Variants in RORA observed in about 807,000 individuals in gnomAD.
RORA encodes RAR related orphan receptor A.
RORA carries 7 observed loss-of-function variants against 69.5 expected under a neutral mutation model. That is an observed-to-expected ratio of 0.10 (90% CI 0.06 to 0.19). The LOEUF (loss-of-function observed/expected upper bound fraction) is 0.19. RORA is among the 10% of genes least tolerant of loss of function. RORA has a pLI of 1.00. For synonymous variants in RORA, 261 were observed against 240.8 expected, an observed-to-expected ratio of 1.08 and a Z score of -0.78; for missense variants, 457 against 663.0, an observed-to-expected ratio of 0.69 and a Z score of 3.41.
chr15:60,585,009 A>C lies in RORA; in HGVS notation c.197-53158T>G, dbSNP rs893270773. Among the ~76,000 whole-genome samples the C allele has an allele frequency of 2.0e-5, 3 of 152,172 alleles. No homozygotes were observed. In the East Asian group the frequency reaches 5.8e-4, roughly 29 times the overall value. On this transcript the variant is annotated intron_variant, in intron 2 of 10. Coordinates refer to ENST00000335670, the MANE Select transcript of RORA (RefSeq NM_134261.3). ...GCAATTTCATCTTTCTAATAGGAAC[A>C]CGTAAGCACTATTATCCTTTACAAG...
chr15:61,193,835 G>A (rs1486779937), intron 1 of RORA, among the ~76,000 whole-genome samples: 1 of 152,160 alleles, frequency 6.6e-6, no homozygotes, highest in Non-Finnish European at 1.5e-5. Context: ...CCAGCTTAAT[G>A]CATTTCCACC....
chr15:60,730,994 C>T (rs1264203083), intron 1 of RORA, among the ~76,000 whole-genome samples: 1 of 152,022 alleles, frequency 6.6e-6, no homozygotes, highest in Non-Finnish European at 1.5e-5. Flanking sequence ...AATATTTCAT[C>T]ACTCAGGTAT....
chr15:60,935,595 G>A (rs943580552), intron 1 of RORA, among the ~76,000 whole-genome samples: 1 of 152,140 alleles, frequency 6.6e-6, no homozygotes, highest in Non-Finnish European at 1.5e-5. Flanking sequence ...TCAGGTCATT[G>A]TCGAGAGTCT....
intron 2 of RORA, among the ~76,000 whole-genome samples, chr15:60,552,979 C>A (rs1347247185): frequency 1.3e-5 from 2 of 152,162 alleles, no homozygotes; most frequent in Non-Finnish European, 2.9e-5. Context: ...GCACTGTGAT[C>A]ATGGGCAAGT....
intron 1 of RORA, among the ~76,000 whole-genome samples, chr15:60,861,911 T>A (rs922693424): frequency 2.0e-5 from 3 of 152,220 alleles, no homozygotes; most frequent in Non-Finnish European, 4.4e-5. Context: ...CTAAGGTCAC[T>A]GGGCTCTCCT....
intron 1 of RORA, among the ~76,000 whole-genome samples, chr15:60,707,002 G>T (rs995262960): frequency 1.3e-5 from 2 of 152,206 alleles, no homozygotes; most frequent in African/African-American, 4.8e-5. Flanking sequence ...GGTTTTACAA[G>T]AGAAAGACAC....
chr15:60,811,074 A>G (rs959719508), intron 1 of RORA, among the ~76,000 whole-genome samples: 4 of 152,158 alleles, frequency 2.6e-5, no homozygotes, highest in African/African-American at 9.7e-5. Flanking sequence ...GGGAGTCTTC[A>G]ATTAAATACA....
intron 1 of RORA, among the ~76,000 whole-genome samples, chr15:60,769,690 A>G (rs199623155): frequency 9.5e-4 from 144 of 152,208 alleles, no homozygotes; most frequent in African/African-American, 3.3e-3. Flanking sequence ...TCCATTTGGA[A>G]TCACCTCGGA....
intron 1 of RORA, among the ~76,000 whole-genome samples, chr15:60,941,812 G>A (rs996666459): frequency 6.6e-6 from 1 of 152,172 alleles, no homozygotes; most frequent in Non-Finnish European, 1.5e-5. Flanking sequence ...AGATCCTGGA[G>A]GTAAGGAAGG....
intron 1 of RORA, among the ~76,000 whole-genome samples, chr15:60,884,865 T>C (rs1232792790): frequency 2.0e-5 from 3 of 152,164 alleles, no homozygotes; most frequent in Non-Finnish European, 2.9e-5. Context: ...TGTCTCATTG[T>C]TTTTGAGCAC....
At chr15:60,558,200 T>A (rs768659959) in intron 2 of RORA, 1 of 1,542,810 alleles carries the variant, frequency 6.5e-7, no homozygotes, top group East Asian at 2.3e-5. Flanking sequence ...GGAGGACAGG[T>A]CAGGAGGCCT....
At chr15:61,005,049 A>G (rs530352036) in intron 1 of RORA, among the ~76,000 whole-genome samples, 1 of 152,344 alleles carries the variant, frequency 6.6e-6, no homozygotes, top group African/African-American at 2.4e-5. Context: ...CACTTTTAGC[A>G]GCGTATTGTA....
chr15:61,037,381 G>C (rs1260297282), intron 1 of RORA, among the ~76,000 whole-genome samples: 1 of 152,122 alleles, frequency 6.6e-6, no homozygotes, highest in Non-Finnish European at 1.5e-5. Context: ...ATCCTTATTA[G>C]GTATCCTCCC....
chr15:60,960,596 T>G (rs896573517), intron 1 of RORA, among the ~76,000 whole-genome samples: 2 of 152,030 alleles, frequency 1.3e-5, no homozygotes, highest in African/African-American at 2.4e-5. Context: ...CACACCAGTT[T>G]CTCCTTAAAA....
chr15:60,830,784 G>A (rs1055919638), intron 1 of RORA, among the ~76,000 whole-genome samples: 1 of 152,188 alleles, frequency 6.6e-6, no homozygotes, highest in Non-Finnish European at 1.5e-5. Flanking sequence ...AAGAAAACAG[G>A]CACAGAATGT....
At chr15:60,505,067 A>G (rs1241384473) in intron 6 of RORA, among the ~76,000 whole-genome samples, 3 of 152,240 alleles carry the variant, frequency 2.0e-5, no homozygotes, top group Non-Finnish European at 4.4e-5. Flanking sequence ...AGTTATGATC[A>G]CAGCTTCTAA....
chr15:60,851,374 C>T (rs1200993992), intron 1 of RORA, among the ~76,000 whole-genome samples: 2 of 152,100 alleles, frequency 1.3e-5, no homozygotes, highest in Non-Finnish European at 2.9e-5. Flanking sequence ...TGCTCCATTC[C>T]TCTGACACAT....
chr15:60,549,580 G>A (rs987930785), intron 2 of RORA, among the ~76,000 whole-genome samples: 2 of 152,118 alleles, frequency 1.3e-5, no homozygotes, highest in Non-Finnish European at 2.9e-5. Context: ...TTATATTGCC[G>A]TGATTTTTAA....
chr15:60,871,741 T>C (rs1267925998), intron 1 of RORA, among the ~76,000 whole-genome samples: 1 of 152,202 alleles, frequency 6.6e-6, no homozygotes, highest in Non-Finnish European at 1.5e-5. Context: ...ACCACAACCA[T>C]GCATAATTAA....
Sources: allele counts gnomAD v4.1 joint callset (sites outside exome capture counted in the v4.1 genomes callset), GRCh38; gene constraint gnomAD v4.1.1; transcripts MANE v1.5; gene names NCBI Gene and HGNC (gene_info 2026-07-23, HGNC 2026-07-21).